Variants in OCA2 observed in about 807,000 individuals in gnomAD.
OCA2 encodes P protein.
A neutral mutation model predicts 100.2 loss-of-function variants in OCA2; 77 were observed. The observed-to-expected ratio is 0.77, with a 90% CI of 0.64 to 0.93. The LOEUF (loss-of-function observed/expected upper bound fraction) is 0.93, where lower values mean the gene tolerates loss of function less well. OCA2 is among the 40% of genes least tolerant of loss of function. The pLI is 0.00. For synonymous variants in OCA2, 432 were observed against 439.2 expected (o/e 0.98, Z 0.21); for missense variants, 1,062 against 1,089.1 (o/e 0.98, Z 0.35).
At chr15:27,901,698 A>G (rs1162533649) in intron 19 of OCA2, among the ~76,000 whole-genome samples, 1 of 152,242 alleles carries the variant, frequency 6.6e-6, no homozygotes, top group Non-Finnish European at 1.5e-5. Context: ...ATGTCAACAA[A>G]AGGGGAAAAG....
rs1356443467 is a variant in OCA2 at position 27,952,681 on chromosome 15, T to C, written c.1843-789A>G. 2.0e-5 allele frequency among the ~76,000 whole-genome samples: 3 copies of C among 149,100 alleles called. No homozygotes were observed. In the East Asian group the frequency reaches 5.8e-4, roughly 29 times the overall value. On this transcript the variant is annotated intron_variant, in intron 17 of 23. Coordinates refer to ENST00000354638, the MANE Select transcript of OCA2 (RefSeq NM_000275.3). ...ATTTATTTATTTATTTTTATTTTTA[T>C]TTTCATTTTCATTTTTTGAGACAGT...
At chr15:27,943,214 G>A (rs1447445358) in intron 18 of OCA2, among the ~76,000 whole-genome samples, 2 of 152,180 alleles carry the variant, frequency 1.3e-5, no homozygotes, top group Non-Finnish European at 1.5e-5. Context: ...TTCAGGGCAT[G>A]AAGGGGGTCA....
chr15:28,093,411 CAAAA>C (rs56141333), intron 1 of OCA2, among the ~76,000 whole-genome samples: 1 of 142,016 alleles, frequency 7.0e-6, no homozygotes, highest in Non-Finnish European at 1.5e-5. Flanking sequence ...AACACCGTCT[CAAAA>C]AAAAAAAAAG....
chr15:27,847,063 C>T (rs2035563590), intron 22 of OCA2, among the ~76,000 whole-genome samples: 1 of 152,172 alleles, frequency 6.6e-6, no homozygotes, highest in Non-Finnish European at 1.5e-5. Context: ...TCTGAATTGC[C>T]TGGCCTCCCT....
At chr15:27,830,913 T>G (rs2034923519) in intron 23 of OCA2, among the ~76,000 whole-genome samples, 1 of 152,166 alleles carries the variant, frequency 6.6e-6, no homozygotes, top group African/African-American at 2.4e-5. Context: ...CCCCAATTCA[T>G]TTGATGGAGC....
At chr15:27,841,010 G>C (rs998776090) in intron 23 of OCA2, among the ~76,000 whole-genome samples, 32 of 152,186 alleles carry the variant, frequency 2.1e-4, no homozygotes, top group African/African-American at 7.5e-4. Flanking sequence ...CTACAGACTG[G>C]GAGAAAATGT....
chr15:27,733,357 C>G, the OCA2 span, among the ~76,000 whole-genome samples: 1 of 152,192 alleles, frequency 6.6e-6, no homozygotes, highest in Non-Finnish European at 1.5e-5. Flanking sequence ...GCCTCTGCCC[C>G]AGGTCTGTCA....
rs2031885047 is a variant in OCA2 at position 27,771,739 on chromosome 15, CCTCTGCT to C, written c.2433-16274_2433-16268del. ...AATCGTCTGACTTTAATCTTCTTTA[CCTCTGCT>C]ACTGTATTCCCTTTTTAAATACTTA... On this transcript the variant is annotated intron_variant, in intron 23 of 23. Transcript: ENST00000354638. Among the ~76,000 whole-genome samples, 3 of 152,208 alleles carry C rather than the reference CCTCTGCT, an allele frequency of 2.0e-5. No individual in the cohort carries two copies. In the South Asian group the frequency reaches 6.2e-4, roughly 32 times the overall value.
chr15:27,913,518 A>G (rs1009038439), intron 19 of OCA2, among the ~76,000 whole-genome samples: 8 of 152,002 alleles, frequency 5.3e-5, no homozygotes, highest in Non-Finnish European at 1.2e-4. Flanking sequence ...GTGTTTTGCA[A>G]TTTTAGATTG....
intron 19 of OCA2, among the ~76,000 whole-genome samples, chr15:27,919,905 CT>C (rs1325436516): frequency 2.6e-5 from 4 of 152,126 alleles, no homozygotes; most frequent in African/African-American, 9.7e-5. Flanking sequence ...AATCTCTTTA[CT>C]TTCCCCTCAA....
chr15:28,066,301 T>C (rs2044021897), intron 2 of OCA2, among the ~76,000 whole-genome samples: 1 of 152,142 alleles, frequency 6.6e-6, no homozygotes, highest in Non-Finnish European at 1.5e-5. Context: ...AGATTCAATA[T>C]TTGAAACCAA....
chr15:27,874,232 C>A (rs7167116), intron 19 of OCA2, among the ~76,000 whole-genome samples: 1 of 152,114 alleles, frequency 6.6e-6, no homozygotes, highest in East Asian at 1.9e-4. Context: ...TCTCTCCCCA[C>A]GAAAACATTT....
intron 23 of OCA2, among the ~76,000 whole-genome samples, chr15:27,793,356 G>A (rs1228535992): frequency 6.6e-6 from 1 of 151,664 alleles, no homozygotes; most frequent in Non-Finnish European, 1.5e-5. Flanking sequence ...TACTCTTCCG[G>A]GATTTTTAAC....
At position 28,043,360 on chromosome 15, in the gene OCA2, A is replaced by G. The variant is rs1267897410; in HGVS notation, c.228-11197T>C. ...CACAAGAAGTAGACATACCAGAAAT[A>G]AAGCCAAACATGCATGGCTGTTTCT... On this transcript the variant is annotated intron_variant, in intron 2 of 23. Coordinates refer to ENST00000354638, the MANE Select transcript of OCA2 (RefSeq NM_000275.3). The surrounding 1 kb of genome is among the most constrained non-coding windows in gnomAD (Gnocchi z 4.4). Among the ~76,000 whole-genome samples, 1 of 152,226 alleles carries G rather than the reference A, an allele frequency of 6.6e-6. No homozygotes were observed. Among genetic ancestry groups the G allele is most frequent in the African/African-American group, 2.4e-5 (1 of 41,466 alleles).
chr15:27,782,064 CCAAT>C (rs2032572112), intron 23 of OCA2, among the ~76,000 whole-genome samples: 1 of 152,136 alleles, frequency 6.6e-6, no homozygotes, highest in Admixed American at 6.5e-5. Context: ...GAAAATGAAC[CCAAT>C]CCTTCTCTTG....
At chr15:28,079,652 A>C (rs980544989) in intron 2 of OCA2, among the ~76,000 whole-genome samples, 18 of 152,284 alleles carry the variant, frequency 1.2e-4, no homozygotes, top group African/African-American at 3.4e-4. Context: ...GAAGCTCCGC[A>C]TGGGAGGTGT....
the OCA2 span, among the ~76,000 whole-genome samples, chr15:27,749,508 T>C: frequency 7.2e-5 from 11 of 152,044 alleles, no homozygotes; most frequent in African/African-American, 2.7e-4. Flanking sequence ...AGGCAAAAAA[T>C]ATATATTAAA....
intron 2 of OCA2, among the ~76,000 whole-genome samples, chr15:28,050,096 T>C (rs946780790): frequency 1.3e-5 from 2 of 151,798 alleles, no homozygotes; most frequent in Admixed American, 6.6e-5. Flanking sequence ...CTGGGCAACA[T>C]AGCAAGATCC....
intron 9 of OCA2, among the ~76,000 whole-genome samples, chr15:27,997,538 T>C (rs991899133): frequency 6.6e-4 from 100 of 152,098 alleles, no homozygotes; most frequent in Admixed American, 2.0e-3. Flanking sequence ...TTGATCTATA[T>C]CTCTGTTTTG....
Sources: gnomAD v4.1 joint callset for allele counts (sites outside exome capture counted in the v4.1 genomes callset) on GRCh38, gnomAD v4.1.1 for gene constraint, Gnocchi (gnomAD v3.1) non-coding constraint, MANE v1.5 for transcripts, NCBI Gene and HGNC (gene_info 2026-07-23, HGNC 2026-07-21) for gene names.